The following ACAP2 variants were observed in gnomAD, a reference collection of about 807,000 sequenced individuals.
ACAP2 encodes the protein ArfGAP with coiled-coil, ankyrin repeat and PH domains 2.
ACAP2 carries 39 observed loss-of-function variants against 115.8 expected under a neutral mutation model. The ratio of observed to expected loss-of-function variants is 0.34; its 90% CI spans 0.26 to 0.44. ACAP2 has a LOEUF of 0.44. Ranked by LOEUF, ACAP2 falls within the 20% of genes least tolerant of loss-of-function variation. The probability of loss-of-function intolerance (pLI) is 1.00; values close to 1 mark genes in which losing one functional copy is unlikely to be tolerated. For synonymous variants in ACAP2, 289 were observed against 315.8 expected (o/e 0.92, Z 0.90); for missense variants, 662 against 927.6 (o/e 0.71, Z 3.72).
At chr3:195,286,801 G>A (rs571762364) in intron 21 of ACAP2, among the ~76,000 whole-genome samples, 2 of 152,184 alleles carry the variant, frequency 1.3e-5, no homozygotes, top group African/African-American at 4.8e-5. Flanking sequence ...AAATTTAGAC[G>A]ATTTGAAAAC....
rs1197828732 is a variant in ACAP2, at chr3:195,424,918, A to C, written c.53+17877T>G. Among the ~76,000 whole-genome samples, 3 of 71,890 alleles carry C rather than the reference A, an allele frequency of 4.2e-5. No individual in the cohort carries two copies. In the Admixed American group the frequency reaches 4.3e-4, roughly 10 times the overall value. The allele number at this position is 71,890 out of a possible 152,430, so 47.2% of individuals were successfully genotyped here. The stretch of plus-strand genomic sequence containing the variant: ...GTGATAGAGTGAGACCCTGTCTTAA[A>C]AAAAAAAAAAAAAAAAAAAAAAAAA... On this transcript the variant is annotated intron_variant, in intron 1 of 22. Transcript: ENST00000326793.
chr3:195,355,246 A>C (rs1199191413), intron 4 of ACAP2, among the ~76,000 whole-genome samples: 1 of 151,314 alleles, frequency 6.6e-6, no homozygotes, highest in African/African-American at 2.4e-5. Context: ...TTCTCAAGCC[A>C]CAGCTATCTA....
intron 1 of ACAP2, among the ~76,000 whole-genome samples, chr3:195,408,532 G>A (rs1157610216): frequency 6.6e-6 from 1 of 152,120 alleles, no homozygotes; most frequent in Non-Finnish European, 1.5e-5. Flanking sequence ...AGCATTTAAA[G>A]ACGAACTTAC....
intron 9 of ACAP2, among the ~76,000 whole-genome samples, chr3:195,322,918 C>A (rs1729542653): frequency 6.6e-6 from 1 of 152,112 alleles, no homozygotes; most frequent in South Asian, 2.1e-4. Flanking sequence ...GATTTCATAA[C>A]TTTAGCAATG....
intron 10 of ACAP2, among the ~76,000 whole-genome samples, chr3:195,311,036 T>A (rs1470877341): frequency 1.3e-5 from 2 of 151,992 alleles, no homozygotes; most frequent in African/African-American, 4.8e-5. Flanking sequence ...ATATAATTTT[T>A]AATTATTTCT....
chr3:195,440,908 T>C (rs1186526258), intron 1 of ACAP2, among the ~76,000 whole-genome samples: 1 of 152,216 alleles, frequency 6.6e-6, no homozygotes, highest in Non-Finnish European at 1.5e-5. Context: ...ATAATTGGAA[T>C]ATGGGAAACA....
In ACAP2 at chr3:195,387,628, G is replaced by C. The variant is rs924903442; in HGVS notation, c.111+4462C>G. On this transcript the variant is annotated intron_variant, in intron 2 of 22. Coordinates refer to ENST00000326793, the MANE Select transcript of ACAP2 (RefSeq NM_012287.6). ...GGGGCACCATACCCAGCTAATTTTT[G>C]TATTTTTAGTAGAGACAGGATTTCA... is the stretch of plus-strand genomic sequence containing the variant. 9.2e-5 allele frequency among the ~76,000 whole-genome samples: 14 copies of C among 152,262 alleles called. No individual in the cohort carries two copies. The East Asian group carries it at 2.7e-3, about 29-fold the overall frequency.
At chr3:195,387,062 G>A (rs1192941256) in intron 2 of ACAP2, among the ~76,000 whole-genome samples, 1 of 152,128 alleles carries the variant, frequency 6.6e-6, no homozygotes, top group Non-Finnish European at 1.5e-5. Context: ...TCATACAGCA[G>A]AACCACATAT....
In ACAP2 at chr3:195,424,915, TAAAAA is replaced by T. The variant is rs34038109; in HGVS notation, c.53+17875_53+17879del. Among the ~76,000 whole-genome samples, 16 of 55,644 alleles carry T rather than the reference TAAAAA, an allele frequency of 2.9e-4. No homozygotes were observed. The East Asian group carries it at 3.0e-3, about 11-fold the overall frequency. The allele number at this position is 55,644 out of a possible 152,430, so 36.5% of individuals were successfully genotyped here. A position where few individuals can be genotyped will look rare whatever the true frequency, so the allele number is the denominator to read the frequency against. ...TGAGTGATAGAGTGAGACCCTGTCTTAAAAAAAAAAAAAAAAAAAAAAAAAAAAAG... is the reference window on the plus strand; with the variant it reads ...TGAGTGATAGAGTGAGACCCTGTCTTAAAAAAAAAAAAAAAAAAAAAAAAG... On this transcript the variant is annotated intron_variant, in intron 1 of 22. Coordinates refer to ENST00000326793, the MANE Select transcript of ACAP2 (RefSeq NM_012287.6).
intron 11 of ACAP2, among the ~76,000 whole-genome samples, chr3:195,307,835 GAACT>G (rs931442307): frequency 5.9e-5 from 9 of 152,084 alleles, no homozygotes; most frequent in African/African-American, 1.9e-4. Flanking sequence ...AAGAAACCAT[GAACT>G]AATAATTAGC....
chr3:195,380,827 T>G (rs1419205632), intron 4 of ACAP2, among the ~76,000 whole-genome samples, 182 bp downstream of exon 4: 1 of 152,092 alleles, frequency 6.6e-6, no homozygotes, highest in Non-Finnish European at 1.5e-5. Flanking sequence ...CAGGCATGCA[T>G]GCACACACAC....
intron 2 of ACAP2, among the ~76,000 whole-genome samples, chr3:195,391,355 G>A (rs1211860316): frequency 6.7e-6 from 1 of 150,302 alleles, no homozygotes; most frequent in African/African-American, 2.5e-5. Flanking sequence ...TCAGCCTCCC[G>A]AGTAGCTAGG....
At chr3:195,351,157 G>A (rs1156250684) in intron 4 of ACAP2, among the ~76,000 whole-genome samples, 5 of 143,344 alleles carry the variant, frequency 3.5e-5, no homozygotes, top group Non-Finnish European at 6.0e-5. Context: ...TTGCTCTGTC[G>A]CCCAGGCTGG....
chr3:195,417,940 C>CAA (rs879392253), intron 1 of ACAP2, among the ~76,000 whole-genome samples: 2 of 136,458 alleles, frequency 1.5e-5, no homozygotes, highest in African/African-American at 2.7e-5. Context: ...GATCCTGTCT[C>CAA]AAAAAAAAAA....
intron 10 of ACAP2, among the ~76,000 whole-genome samples, chr3:195,309,087 C>T (rs1411616742): frequency 6.6e-6 from 1 of 152,152 alleles, no homozygotes; most frequent in Non-Finnish European, 1.5e-5. Flanking sequence ...CATAAATTTA[C>T]ATCCTAACAA....
intron 18 of ACAP2, among the ~76,000 whole-genome samples, chr3:195,293,289 G>C (rs1322474474): frequency 6.6e-6 from 1 of 152,164 alleles, no homozygotes; most frequent in Non-Finnish European, 1.5e-5. Context: ...GGCACTACAA[G>C]CACTTCAAAT....
At chr3:195,308,764 G>C (rs1371125563) in intron 11 of ACAP2, 22 bp downstream of exon 11, 5 of 1,592,584 alleles carry the variant, frequency 3.1e-6, no homozygotes, top group Non-Finnish European at 4.3e-6. Context: ...AACTCACTGG[G>C]GTTTCATTTA....
Position 195,275,792 on chromosome 3 carries a change from A to C in ACAP2, c.*3536T>G, listed in dbSNP as rs147427115. On this transcript the variant is annotated 3_prime_UTR_variant, in exon 23 of 23. Coordinates refer to ENST00000326793, the MANE Select transcript of ACAP2 (RefSeq NM_012287.6). ...CATGAGAATCCAGTGAGATAAAGCA[A>C]TGCCAAGTACACTGTAAGTAGCAAA... 6.6e-6 allele frequency: 1 copy of C among 152,382 alleles called. No homozygotes were observed. The highest frequency in any genetic ancestry group is 1.5e-5 in the Non-Finnish European group (1 of 68,028). The allele number at this position is 152,382 out of a possible 1,614,324, so 9.4% of individuals were successfully genotyped here. A position where few individuals can be genotyped will look rare whatever the true frequency, so the allele number is the denominator to read the frequency against.
At chr3:195,355,723 C>A (rs551252103) in intron 4 of ACAP2, among the ~76,000 whole-genome samples, 4 of 152,296 alleles carry the variant, frequency 2.6e-5, no homozygotes, top group African/African-American at 9.6e-5. Context: ...AGCTAAGACG[C>A]ACTTCAAAGA....
Sources: allele counts gnomAD v4.1 joint callset (sites outside exome capture counted in the v4.1 genomes callset), GRCh38; gene constraint gnomAD v4.1.1; transcripts MANE v1.5; gene names NCBI Gene and HGNC (gene_info 2026-07-23, HGNC 2026-07-21).